Variants in ARID1B observed in about 807,000 individuals in gnomAD.
The protein encoded by ARID1B is AT-rich interactive domain-containing protein 1B.
In ARID1B, 30 loss-of-function variants were observed where a neutral mutation model predicts 212.3. The observed-to-expected ratio is 0.14, with a 90% CI of 0.11 to 0.19. The LOEUF (loss-of-function observed/expected upper bound fraction) is 0.19, where lower values mean the gene tolerates loss of function less well. ARID1B is among the 10% of genes least tolerant of loss of function. ARID1B has a pLI of 1.00. For synonymous variants in ARID1B, 1,402 were observed against 1,301.7 expected, an observed-to-expected ratio of 1.08 and a Z score of -1.66; for missense variants, 2,891 against 3,204.0, an observed-to-expected ratio of 0.90 and a Z score of 2.36.
At position 156,969,715 on chromosome 6, in the gene ARID1B, G is replaced by A. The variant is rs78340805; in HGVS notation, c.2247+34139G>A. On this transcript the variant is annotated intron_variant, in intron 4 of 19. Transcript: ENST00000636930. ...TCTAGATGTTAGACTTGATTCATAC[G>A]AGCTTTATATGGCCAGGGGAACTTA... Among the ~76,000 whole-genome samples the A allele has an allele frequency of 3.1e-3, 476 of 152,180 alleles. 1 individual carries two copies. Among genetic ancestry groups the A allele is most frequent in the African/African-American group, 0.011 (449 of 41,504 alleles).
intron 4 of ARID1B, among the ~76,000 whole-genome samples, chr6:157,052,035 CTG>C (rs1236870554): frequency 6.6e-6 from 1 of 152,186 alleles, no homozygotes; most frequent in African/African-American, 2.4e-5. Context: ...CAGAAAAAGA[CTG>C]TTAAAAACTG....
chr6:157,001,744 TCCTTGC>T (rs1176528842), intron 4 of ARID1B, among the ~76,000 whole-genome samples: 1 of 152,354 alleles, frequency 6.6e-6, no homozygotes, highest in Admixed American at 6.5e-5. Flanking sequence ...GTTGTCCCCC[TCCTTGC>T]CCTTGGCCGA....
chr6:157,120,885 T>C (rs1272965650), intron 6 of ARID1B, among the ~76,000 whole-genome samples: 2 of 152,196 alleles, frequency 1.3e-5, no homozygotes, highest in Admixed American at 6.5e-5. Context: ...GATGAAGAAA[T>C]TAAATTTTTC....
intron 15 of ARID1B, 198 bp from the exon 16 acceptor site, chr6:157,195,967 A>T (rs1562340655): frequency 1.9e-6 from 1 of 530,898 alleles, no homozygotes; most frequent in Non-Finnish European, 3.2e-6. Flanking sequence ...AGGGTGACGC[A>T]GGAGAATCGC....
chr6:157,066,439 T>C (rs1276910903), intron 4 of ARID1B, among the ~76,000 whole-genome samples: 3 of 152,224 alleles, frequency 2.0e-5, no homozygotes, highest in African/African-American at 7.2e-5. Context: ...CAATTAAATA[T>C]AAAATATAAT....
chr6:157,044,524 C>T lies in ARID1B; in HGVS notation c.2248-40138C>T, dbSNP rs553763433. On this transcript the variant is annotated intron_variant, in intron 4 of 19. Transcript: ENST00000636930. ...TGAATGGGCCTCCTGGCTCAAGAACCAAATAATGACCTTTGGGAAAAAGCG... is the reference window on the plus strand; with the variant it reads ...TGAATGGGCCTCCTGGCTCAAGAACTAAATAATGACCTTTGGGAAAAAGCG... Among the ~76,000 whole-genome samples, 6 of 152,270 alleles carry T rather than the reference C, an allele frequency of 3.9e-5. No homozygotes were observed. The East Asian group carries it at 1.2e-3, about 29-fold the overall frequency.
chr6:157,181,097 A>C lies in ARID1B; in HGVS notation c.3633A>C (p.Ser1211=). The change falls in exon 12 of 20, where the codon TCA becomes TCC. Residue 1211 remains serine (S), a synonymous_variant. Coordinates refer to ENST00000636930, the MANE Select transcript of ARID1B (RefSeq NM_001374828.1). Reference sequence around the variant, plus strand: ...TGGAAGAGAGAGGCTCTCCTGTCTCAAGTCTGCCTGCCGTGGGCAAGAAGC... The same window carrying C: ...TGGAAGAGAGAGGCTCTCCTGTCTCCAGTCTGCCTGCCGTGGGCAAGAAGC... ...TFMEERGSPV[S]SLPAVGKKPL... 1 of 1,614,202 alleles carries C rather than the reference A, an allele frequency of 6.2e-7. No homozygotes were observed. The highest frequency in any genetic ancestry group is 8.5e-7 in the Non-Finnish European group (1 of 1,180,038).
At chr6:156,949,352 A>T (rs1034022882) in intron 4 of ARID1B, among the ~76,000 whole-genome samples, 1 of 152,170 alleles carries the variant, frequency 6.6e-6, no homozygotes, top group African/African-American at 2.4e-5. Context: ...TTCAGCCGGG[A>T]TACTCCACCT....
chr6:157,167,338 C>A (rs796558963), intron 9 of ARID1B, 153 bp downstream of exon 9: 2 of 862,758 alleles, frequency 2.3e-6, no homozygotes, highest in African/African-American at 1.7e-5. Flanking sequence ...AAACTTGCTC[C>A]ATCTATTTAA....
chr6:156,966,064 T>C (rs1413303620), intron 4 of ARID1B, among the ~76,000 whole-genome samples: 1 of 152,260 alleles, frequency 6.6e-6, no homozygotes, highest in East Asian at 1.9e-4. Context: ...ATATGTAGGA[T>C]GTTTTGCCTA....
chr6:157,180,993 G>A lies in ARID1B; in HGVS notation c.3529G>A (p.Gly1177Arg), dbSNP rs1266996132. ...GAAGTCCAGCTCCTCCACCACTACT[G>A]GGGAGAAGATCACGAAGGTGTACGA... ...SPKSSSSTTT[G>R]EKITKVYELG... The change falls in exon 12 of 20, where the codon GGG becomes AGG. Residue 1177 changes from glycine to arginine, a missense_variant. Physicochemically the swap from Gly to Arg is moderately radical, Grantham distance 125. This residue lies in a region of ARID1B where 666 missense variants were observed against 873.5 expected (regional missense o/e 0.76). Transcript: ENST00000636930. The A allele has an allele frequency of 6.2e-7, 1 of 1,613,746 alleles. No individual in the cohort carries two copies. Among genetic ancestry groups the A allele is most frequent in the Non-Finnish European group, 8.5e-7 (1 of 1,179,980 alleles).
rs543158227 is a variant in ARID1B, at chr6:157,050,375, C to A, written c.2248-34287C>A. ...CCTAATCAACATGGTGAAACCCCGTCTCTACTAAAAATACAAAAATTAGCC... is the reference window on the plus strand; with the variant it reads ...CCTAATCAACATGGTGAAACCCCGTATCTACTAAAAATACAAAAATTAGCC... On this transcript the variant is annotated intron_variant, in intron 4 of 19. Coordinates refer to ENST00000636930, the MANE Select transcript of ARID1B (RefSeq NM_001374828.1). 5.5e-4 allele frequency among the ~76,000 whole-genome samples: 83 copies of A among 152,248 alleles called. No individual in the cohort carries two copies. In the South Asian group the frequency reaches 9.3e-3, roughly 17 times the overall value.
chr6:157,207,690 G>A lies in ARID1B; in HGVS notation c.6918G>A (p.Gln2306=), dbSNP rs866784097. The change falls in exon 20 of 20, where the codon CAG becomes CAA. Residue 2306 remains glutamine, a synonymous_variant. Transcript: ENST00000636930. The surrounding 1 kb of genome is among the most constrained non-coding windows in gnomAD (Gnocchi z 8.5). Reference sequence around the variant, plus strand: ...GCCAGCACAACCTCATGCACATGCAGCCCCCGCCCCTGGAACCACCTAGCG... The same window carrying A: ...GCCAGCACAACCTCATGCACATGCAACCCCCGCCCCTGGAACCACCTAGCG... ...QQSQHNLMHM[Q]PPPLEPPSVD... 6.2e-7 allele frequency: 1 copy of A among 1,608,864 alleles called. No individual in the cohort carries two copies. Among genetic ancestry groups the A allele is most frequent in the South Asian group, 1.1e-5 (1 of 91,000 alleles).
intron 5 of ARID1B, among the ~76,000 whole-genome samples, chr6:157,085,162 CAG>C (rs1449248201): frequency 6.6e-6 from 1 of 152,134 alleles, no homozygotes. Flanking sequence ...ATGCCAGAAA[CAG>C]GGTATTATTT....
chr6:156,915,402 A>G (rs1396813253), intron 3 of ARID1B, among the ~76,000 whole-genome samples: 1 of 151,920 alleles, frequency 6.6e-6, no homozygotes, highest in East Asian at 1.9e-4. Flanking sequence ...CCCTGTCTCT[A>G]CTAAAAATAT....
intron 3 of ARID1B, among the ~76,000 whole-genome samples, chr6:156,933,047 T>G (rs1791880233): frequency 6.6e-6 from 1 of 152,230 alleles, no homozygotes; most frequent in Admixed American, 6.5e-5. Context: ...TTTCATAGTC[T>G]GTTAGTCTGT....
At chr6:156,818,098 ATTTTTTTTTTT>A (rs71027317) in intron 1 of ARID1B, among the ~76,000 whole-genome samples, 3 of 61,322 alleles carry the variant, frequency 4.9e-5, no homozygotes, top group African/African-American at 1.4e-4. Context: ...TAGTTGCCCT[ATTTTTTTTTTT>A]TTTTTTTTTT....
chr6:156,809,035 G>A (rs139458104), intron 1 of ARID1B, among the ~76,000 whole-genome samples: 251 of 152,276 alleles, frequency 1.6e-3, no homozygotes, highest in African/African-American at 5.7e-3. Context: ...AATTTGATTT[G>A]TTGATTTGCT....
chr6:156,959,763 G>A (rs576818869), intron 4 of ARID1B, among the ~76,000 whole-genome samples: 61 of 151,908 alleles, frequency 4.0e-4, no homozygotes, highest in African/African-American at 1.5e-3. Context: ...CATCTCTCCC[G>A]GGTAAGTAAA....
Sources: gnomAD v4.1 joint callset for allele counts (sites outside exome capture counted in the v4.1 genomes callset) on GRCh38, gnomAD v4.1.1 for gene constraint, gnomAD v4.1.1 regional missense constraint, Gnocchi (gnomAD v3.1) non-coding constraint, MANE v1.5 for transcripts, NCBI Gene and HGNC (gene_info 2026-07-23, HGNC 2026-07-21) for gene names.